The following PIAS4 variants were observed in gnomAD, a reference collection of about 807,000 sequenced individuals.
The protein encoded by PIAS4 is protein inhibitor of activated STAT 4, also known as E3 SUMO-protein ligase PIAS4.
PIAS4 carries 7 observed loss-of-function variants against 58.0 expected under a neutral mutation model. That is an observed-to-expected ratio of 0.12 (90% CI 0.07 to 0.23). The LOEUF (loss-of-function observed/expected upper bound fraction) is 0.23. Ranked by LOEUF, PIAS4 falls within the 10% of genes least tolerant of loss-of-function variation. The pLI, the probability that PIAS4 is intolerant of heterozygous loss-of-function variation, is 1.00. For missense variants in PIAS4, 550 were observed against 709.5 expected, an observed-to-expected ratio of 0.78 and a Z score of 2.55; for synonymous variants, 364 against 312.4, an observed-to-expected ratio of 1.17 and a Z score of -1.74.
At chr19:4,027,201 T>C (rs1298204760) in intron 3 of PIAS4, among the ~76,000 whole-genome samples, 3 of 152,116 alleles carry the variant, frequency 2.0e-5, no homozygotes, top group Non-Finnish European at 1.5e-5. Flanking sequence ...TTGCCCAGGC[T>C]TGTCTCGAAC....
chr19:4,031,786 C>T (rs2040225353), intron 7 of PIAS4, among the ~76,000 whole-genome samples: 2 of 152,226 alleles, frequency 1.3e-5, no homozygotes, highest in Admixed American at 1.3e-4. Flanking sequence ...GAAGTCCTCA[C>T]CTTTGCCTCA....
At chr19:4,027,488 G>A (rs1032744272) in intron 3 of PIAS4, among the ~76,000 whole-genome samples, 2 of 151,808 alleles carry the variant, frequency 1.3e-5, no homozygotes, top group African/African-American at 2.4e-5. Flanking sequence ...CCACGGATGC[G>A]TCTTTGGGTA....
At chr19:4,012,866 G>A (rs1452845623) in intron 1 of PIAS4, 57 bp from the exon 2 acceptor site, 1 of 1,530,640 alleles carries the variant, frequency 6.5e-7, no homozygotes, top group Non-Finnish European at 8.8e-7. Flanking sequence ...GGCCTCCATG[G>A]AGTCCCCTGC....
chr19:4,033,264 C>T (rs1040882317), intron 8 of PIAS4, 91 bp downstream of exon 8: 111 of 1,410,218 alleles, frequency 7.9e-5, no homozygotes, highest in Admixed American at 3.1e-4. Flanking sequence ...TTGGCTGGGC[C>T]GTGAGCCTGC....
chr19:4,021,374 T>A (rs111739855), intron 2 of PIAS4, among the ~76,000 whole-genome samples: 3 of 152,108 alleles, frequency 2.0e-5, no homozygotes, highest in Non-Finnish European at 4.4e-5. Flanking sequence ...CTTGAACTCC[T>A]GACCTCAAGT....
At chr19:4,023,232 A>C (rs2144921577) in intron 2 of PIAS4, among the ~76,000 whole-genome samples, 1 of 151,242 alleles carries the variant, frequency 6.6e-6, no homozygotes, top group East Asian at 2.0e-4. Context: ...TAATCCCAGC[A>C]TTTTGAGAGT....
chr19:4,032,298 C>T (rs949970806), intron 7 of PIAS4, among the ~76,000 whole-genome samples: 1 of 152,138 alleles, frequency 6.6e-6, no homozygotes, highest in African/African-American at 2.4e-5. Flanking sequence ...CACCAGGCAG[C>T]TGAGGGCCAG....
chr19:4,028,461 C>G (rs748244572), intron 4 of PIAS4, 49 bp from the exon 5 acceptor site: 7 of 1,385,104 alleles, frequency 5.1e-6, no homozygotes, highest in Non-Finnish European at 7.1e-6. Context: ...GCAGCCTAGT[C>G]CCTCCTGTGC....
chr19:4,021,446 G>A (rs968711706), intron 2 of PIAS4, among the ~76,000 whole-genome samples: 1 of 151,994 alleles, frequency 6.6e-6, no homozygotes. Context: ...CACCTGGCCT[G>A]GGTGTGTAGA....
In PIAS4 at chr19:4,013,087, C is replaced by T; in HGVS notation, c.192C>T (p.Thr64=). The T allele has an allele frequency of 6.2e-7, 1 of 1,613,462 alleles. No homozygotes were observed. The highest frequency in any genetic ancestry group is 8.5e-7 in the Non-Finnish European group (1 of 1,180,006). Reference sequence around the variant, plus strand: ...AGAAGATCAAGGAGCTGTACGAGACCCGCTACGCCAAGAAGAACTCGGAGC... The same window carrying T: ...AGAAGATCAAGGAGCTGTACGAGACTCGCTACGCCAAGAAGAACTCGGAGC... The part of the protein sequence containing the change: ...LFKKIKELYE[T]RYAKKNSEPA... Residue 64 remains threonine, a synonymous_variant, in exon 2 of 11, where the codon ACC becomes ACT. Transcript: ENST00000262971. This position sits in a 1 kb window ranked among gnomAD's most constrained non-coding sequence, Gnocchi z 5.1.
chr19:4,014,953 G>A (rs2040036629), intron 2 of PIAS4, among the ~76,000 whole-genome samples: 1 of 152,206 alleles, frequency 6.6e-6, no homozygotes, highest in Admixed American at 6.5e-5. Context: ...GCTGTCGGTG[G>A]TTCCTGCGGC....
chr19:4,030,879 T>A (rs1013660071), intron 7 of PIAS4, among the ~76,000 whole-genome samples: 1 of 151,790 alleles, frequency 6.6e-6, no homozygotes, highest in African/African-American at 2.4e-5. Context: ...ATGGAGAGGC[T>A]AGGCCTAACC....
rs536693376 is a variant in PIAS4 at position 4,036,576 on chromosome 19, TAC to T, written c.1143-796_1143-795del. ...TACAGTCCACACCGTCACACATCCA[TAC>T]AGTCCACACCGTCATACACACACAC... On this transcript the variant is annotated intron_variant, in intron 9 of 10. Transcript: ENST00000262971. Among the ~76,000 whole-genome samples the T allele has an allele frequency of 7.9e-4, 113 of 143,394 alleles. 5 individuals are homozygous for T. The highest frequency in any genetic ancestry group is 1.1e-3 in the Non-Finnish European group (71 of 66,542). The allele number at this position is 143,394 out of a possible 152,430, so 94.1% of individuals were successfully genotyped here. A position where few individuals can be genotyped will look rare whatever the true frequency, so the allele number is the denominator to read the frequency against.
chr19:4,028,605 G>T lies in PIAS4; in HGVS notation c.672+5G>T, dbSNP rs1361829800. ...CACAGCTACTGCTCCGTCCCGGTGA[G>T]CATGCCCCGCCCCCGCGTCGGCTGC... On this transcript the variant is annotated splice_donor_5th_base_variant and intron_variant, in intron 5 of 10. Transcript: ENST00000262971. The T allele has an allele frequency of 6.2e-7, 1 of 1,612,336 alleles. No individual in the cohort carries two copies. Among genetic ancestry groups the T allele is most frequent in the Non-Finnish European group, 8.5e-7 (1 of 1,179,520 alleles).
chr19:4,017,753 T>C (rs1394031609), intron 2 of PIAS4: 1 of 149,698 alleles, frequency 6.7e-6, no homozygotes, highest in Non-Finnish European at 1.5e-5. Flanking sequence ...GATCTTGGCT[T>C]ACTACAGCCT....
intron 1 of PIAS4, 147 bp from the exon 2 acceptor site, chr19:4,012,776 G>A: frequency 2.4e-6 from 2 of 840,232 alleles, no homozygotes; most frequent in Non-Finnish European, 3.8e-6. Context: ...CACCGTAGGG[G>A]CAGGGCACTC....
chr19:4,009,915 G>A (rs35992500), intron 1 of PIAS4, among the ~76,000 whole-genome samples: 26,573 of 152,090 alleles, frequency 0.17, 3,073 homozygotes, highest in Non-Finnish European at 0.26. Context: ...AGTCCACAGC[G>A]TTTCGCACAG....
intron 2 of PIAS4, among the ~76,000 whole-genome samples, chr19:4,018,967 G>T (rs185387891): frequency 6.6e-6 from 1 of 152,210 alleles, no homozygotes. Flanking sequence ...GGTGTGTGTG[G>T]CCCTGAGCAG....
intron 2 of PIAS4, among the ~76,000 whole-genome samples, chr19:4,021,885 A>G (rs974786732): frequency 2.0e-5 from 3 of 150,790 alleles, no homozygotes; most frequent in Admixed American, 1.3e-4. Flanking sequence ...AGCTGGGACT[A>G]CAGGTGGTGT....
Sources: allele counts gnomAD v4.1 joint callset (sites outside exome capture counted in the v4.1 genomes callset), GRCh38; gene constraint gnomAD v4.1.1; non-coding constraint Gnocchi (gnomAD v3.1); transcripts MANE v1.5; gene names NCBI Gene and HGNC (gene_info 2026-07-23, HGNC 2026-07-21).